The following CAMK2D variants were observed in gnomAD, a reference collection of about 807,000 sequenced individuals.
CAMK2D encodes calcium/calmodulin-dependent protein kinase type II subunit delta.
A neutral mutation model predicts 84.0 loss-of-function variants in CAMK2D; 37 were observed. That is an observed-to-expected ratio of 0.44 (90% confidence interval 0.34 to 0.58). CAMK2D has a LOEUF of 0.58. Ranked by LOEUF, CAMK2D falls within the 20% of genes least tolerant of loss-of-function variation. CAMK2D has a pLI of 0.02. For missense variants in CAMK2D, 448 were observed against 652.5 expected (o/e 0.69, Z 3.41); for synonymous variants, 202 against 212.5 (o/e 0.95, Z 0.43).
chr4:113,606,027 AT>A (rs1334171357), intron 4 of CAMK2D, among the ~76,000 whole-genome samples: 2 of 152,168 alleles, frequency 1.3e-5, no homozygotes, highest in Non-Finnish European at 2.9e-5. Flanking sequence ...TCTGATACGG[AT>A]TTTTAATCAG....
intron 2 of CAMK2D, among the ~76,000 whole-genome samples, chr4:113,755,319 T>C (rs181409091): frequency 6.6e-6 from 1 of 152,012 alleles, no homozygotes; most frequent in African/African-American, 2.4e-5. Flanking sequence ...TTAATAAAAC[T>C]AGTAAAATCA....
At position 113,645,012 on chromosome 4, in the gene CAMK2D, T is replaced by G. The variant is rs185807462; in HGVS notation, c.220+16701A>C. On this transcript the variant is annotated intron_variant, in intron 3 of 20. Coordinates refer to ENST00000511664, the MANE Select transcript of CAMK2D (RefSeq NM_001321571.2). ...AGAATTTTTTGTTGTTGTTGTTGTT[T>G]TTTGTTTTTGTTTTTGTTTTTTGAG... 3.7e-4 allele frequency among the ~76,000 whole-genome samples: 57 copies of G among 152,096 alleles called. No individual in the cohort carries two copies. The East Asian group carries it at 6.2e-3, about 16-fold the overall frequency.
chr4:113,620,032 T>G (rs975704195), intron 3 of CAMK2D, among the ~76,000 whole-genome samples: 5 of 152,064 alleles, frequency 3.3e-5, no homozygotes, highest in Non-Finnish European at 7.3e-5. Context: ...ATGATGGGAA[T>G]CACCAAGAGA....
chr4:113,495,823 C>T (rs1420544848), intron 16 of CAMK2D, among the ~76,000 whole-genome samples: 1 of 152,096 alleles, frequency 6.6e-6, no homozygotes, highest in African/African-American at 2.4e-5. Context: ...GGATGAAATG[C>T]AGCAAGAGAT....
intron 4 of CAMK2D, among the ~76,000 whole-genome samples, chr4:113,601,764 C>A (rs1591771029): frequency 7.6e-6 from 1 of 131,324 alleles, no homozygotes; most frequent in African/African-American, 2.8e-5. Context: ...GGCGTGATCA[C>A]AGCTCACTGC....
chr4:113,662,969 C>T (rs2099241026), intron 2 of CAMK2D, among the ~76,000 whole-genome samples: 1 of 152,102 alleles, frequency 6.6e-6, no homozygotes, highest in African/African-American at 2.4e-5. Flanking sequence ...ACGTATAGTG[C>T]TATTAATAAC....
intron 2 of CAMK2D, among the ~76,000 whole-genome samples, chr4:113,694,313 C>G (rs1454684812): frequency 1.3e-5 from 2 of 152,176 alleles, no homozygotes; most frequent in Non-Finnish European, 2.9e-5. Flanking sequence ...TTAACACAAA[C>G]TCATTAATGC....
rs1051986430 is a variant in CAMK2D, at chr4:113,760,934, T to G, written c.65+70A>C. On this transcript the variant is annotated intron_variant, in intron 1 of 20. Transcript: ENST00000511664. Reference sequence around the variant, plus strand: ...TCCCTCGCCCCAAGACGGAGGCCGGTGGGTCGGGGGCAACGCGACCCGCCC... The same window carrying G: ...TCCCTCGCCCCAAGACGGAGGCCGGGGGGTCGGGGGCAACGCGACCCGCCC... The G allele has an allele frequency of 1.9e-6, 3 of 1,591,512 alleles. No individual in the cohort carries two copies. The East Asian group carries it at 6.7e-5, about 36-fold the overall frequency.
intron 2 of CAMK2D, among the ~76,000 whole-genome samples, chr4:113,704,938 TAA>T (rs11297471): frequency 2.9e-4 from 43 of 149,368 alleles, no homozygotes; most frequent in Middle Eastern, 3.5e-3. Flanking sequence ...TATGGCAGGT[TAA>T]AAAAAAAAAA....
Position 113,759,320 on chromosome 4 carries a change from C to T in CAMK2D, c.160G>A (p.Asp54Asn). 6.3e-7 allele frequency: 1 copy of T among 1,596,048 alleles called. No individual in the cohort carries two copies. The highest frequency in any genetic ancestry group is 1.1e-5 in the South Asian group (1 of 88,632). ...IINTKKLSAR[D>N]HQKLEREARI... ...AATATATGTGGTTGAAAATACCCAC[C>T]CCTAGCAGAAAGCTTTTTGGTGTTG... The change falls in exon 2 of 21, where the codon GAT (aspartate) becomes AAT (asparagine). Residue 54 changes from aspartate to asparagine, a missense_variant and splice_region_variant. Asp to Asn is a conservative substitution (Grantham distance 23). Around this residue, in one of 7 missense-constraint regions of CAMK2D, gnomAD observed 46 missense variants for 46.3 expected, o/e 0.99. Transcript: ENST00000511664.
intron 2 of CAMK2D, among the ~76,000 whole-genome samples, chr4:113,705,518 CAAG>C (rs369038697): frequency 4.2e-4 from 64 of 152,208 alleles, no homozygotes; most frequent in African/African-American, 1.3e-3. Flanking sequence ...ATCTGGCCTT[CAAG>C]AAGGAGACAA....
At chr4:113,485,931 G>A (rs190936889) in intron 16 of CAMK2D, among the ~76,000 whole-genome samples, 13 of 152,028 alleles carry the variant, frequency 8.6e-5, no homozygotes, top group East Asian at 3.9e-4. Flanking sequence ...TTCTCCTCTC[G>A]CACCTTCTTC....
At chr4:113,726,324 T>G (rs1363508206) in intron 2 of CAMK2D, among the ~76,000 whole-genome samples, 1 of 151,888 alleles carries the variant, frequency 6.6e-6, no homozygotes, top group Non-Finnish European at 1.5e-5. Context: ...ATTCACGACT[T>G]TAAAGCACTT....
At chr4:113,478,235 C>T (rs954510395) in intron 16 of CAMK2D, among the ~76,000 whole-genome samples, 4 of 152,138 alleles carry the variant, frequency 2.6e-5, no homozygotes, top group Admixed American at 6.5e-5. Context: ...CAGCACTTAC[C>T]GAAGTGAGGT....
chr4:113,738,211 A>G (rs1422179372), intron 2 of CAMK2D, among the ~76,000 whole-genome samples: 1 of 151,764 alleles, frequency 6.6e-6, no homozygotes, highest in African/African-American at 2.4e-5. Flanking sequence ...TTCTTTGAAA[A>G]AAAAAAAAAA....
intron 12 of CAMK2D, 139 bp from the exon 13 acceptor site, chr4:113,509,814 C>G (rs2098186062): frequency 3.1e-6 from 2 of 647,342 alleles, no homozygotes; most frequent in East Asian, 2.8e-5. Flanking sequence ...CAAAGTCACA[C>G]TGATGAACGC....
chr4:113,536,433 A>G (rs1467271233), intron 7 of CAMK2D, among the ~76,000 whole-genome samples: 1 of 152,212 alleles, frequency 6.6e-6, no homozygotes, highest in Admixed American at 6.5e-5. Context: ...GGGACTCAGA[A>G]AAGTATTTGC....
At chr4:113,712,367 T>C (rs1177852633) in intron 2 of CAMK2D, among the ~76,000 whole-genome samples, 3 of 152,182 alleles carry the variant, frequency 2.0e-5, no homozygotes, top group Non-Finnish European at 4.4e-5. Flanking sequence ...ATATTATTTA[T>C]AGACTTATGC....
Position 113,561,958 on chromosome 4 carries a change from T to C in CAMK2D, c.276-9862A>G, listed in dbSNP as rs547988558. ...GGGTCTCTGGAATATTACCAAATGG[T>C]TTATTGTATGTGTGCCTGCATACAC... On this transcript the variant is annotated intron_variant, in intron 4 of 20. Coordinates refer to ENST00000511664, the MANE Select transcript of CAMK2D (RefSeq NM_001321571.2). Among the ~76,000 whole-genome samples, 10 of 152,290 alleles carry C rather than the reference T, an allele frequency of 6.6e-5. No individual in the cohort carries two copies. In the South Asian group the frequency reaches 2.1e-3, roughly 32 times the overall value.
Sources: gnomAD v4.1 joint callset for allele counts (sites outside exome capture counted in the v4.1 genomes callset) on GRCh38, gnomAD v4.1.1 for gene constraint, gnomAD v4.1.1 regional missense constraint, MANE v1.5 for transcripts, NCBI Gene and HGNC (gene_info 2026-07-23, HGNC 2026-07-21) for gene names.